CR1L: variants seen among roughly 807,000 people sequenced by gnomAD.
CR1L encodes complement component receptor 1-like protein.
In CR1L, 59 loss-of-function variants were observed where a neutral mutation model predicts 62.3. The ratio of observed to expected loss-of-function variants is 0.95; its 90% CI spans 0.77 to 1.18. CR1L has a LOEUF of 1.18. Ranked by LOEUF, CR1L falls within the 50% of genes most tolerant of loss-of-function variation. The probability of loss-of-function intolerance (pLI) is 0.00; values close to 1 mark genes in which losing one functional copy is unlikely to be tolerated. For synonymous variants in CR1L, 279 were observed against 248.7 expected, an observed-to-expected ratio of 1.12 and a Z score of -1.15; for missense variants, 700 against 702.8, an observed-to-expected ratio of 1.00 and a Z score of 0.04.
At chr1:207,648,206 GACAC>G (rs67535125) in intron 1 of CR1L, among the ~76,000 whole-genome samples, 4 of 108,760 alleles carry the variant, frequency 3.7e-5, no homozygotes, top group African/African-American at 6.7e-5. Context: ...CACACACACA[GACAC>G]ACACACACAC....
intron 9 of CR1L, among the ~76,000 whole-genome samples, chr1:207,704,380 A>T (rs771378226): frequency 4.5e-4 from 69 of 152,236 alleles, no homozygotes; most frequent in Admixed American, 6.5e-5. Flanking sequence ...CCTGGTGAAG[A>T]TGCCATGAGC....
chr1:207,655,181 C>T, intron 1 of CR1L: 1 of 593,836 alleles, frequency 1.7e-6, no homozygotes, highest in Non-Finnish European at 3.1e-6. Flanking sequence ...CCTTTCTTTT[C>T]CCATTTAGTT....
chr1:207,656,553 A>G (rs1417927953), intron 1 of CR1L, among the ~76,000 whole-genome samples: 2 of 152,140 alleles, frequency 1.3e-5, no homozygotes, highest in Admixed American at 6.5e-5. Flanking sequence ...TTGGCTCGTG[A>G]TTCTACAAGC....
chr1:207,715,562 A>T (rs1653973307), intron 10 of CR1L, among the ~76,000 whole-genome samples: 1 of 152,202 alleles, frequency 6.6e-6, no homozygotes, highest in Non-Finnish European at 1.5e-5. Context: ...CTTTTCTGAC[A>T]TTTGTTACTA....
chr1:207,698,351 A>G (rs1664140108), intron 7 of CR1L, among the ~76,000 whole-genome samples: 1 of 152,228 alleles, frequency 6.6e-6, no homozygotes, highest in Non-Finnish European at 1.5e-5. Flanking sequence ...TGTAAAAATC[A>G]GCATTTTAAA....
intron 1 of CR1L, among the ~76,000 whole-genome samples, chr1:207,668,090 A>G (rs1403999449): frequency 6.6e-6 from 1 of 151,126 alleles, no homozygotes; most frequent in Non-Finnish European, 1.5e-5. Context: ...TAATATGGCC[A>G]TTATGGGAAA....
intron 1 of CR1L, among the ~76,000 whole-genome samples, chr1:207,648,778 T>C (rs1663176074): frequency 6.6e-6 from 1 of 152,302 alleles, no homozygotes; most frequent in African/African-American, 2.4e-5. Context: ...CATACTACAA[T>C]GCAAAAAGAG....
chr1:207,683,943 C>T lies in CR1L; in HGVS notation c.449C>T (p.Thr150Ile), dbSNP rs1218198146. The T allele has an allele frequency of 6.2e-7, 1 of 1,612,846 alleles. No homozygotes were observed. Among genetic ancestry groups the T allele is most frequent in the Non-Finnish European group, 8.5e-7 (1 of 1,179,202 alleles). ...AACACTGTCATTTGGGATAATAAAA[C>T]ACCTGTTTGTGACAGTGAGTTGAAA... ...SGNTVIWDNKTPVCDRIICGL... is the reference protein window; with the variant it reads ...SGNTVIWDNKIPVCDRIICGL... The change falls in exon 4 of 12, where the codon ACA becomes ATA. Residue 150 changes from threonine (T) to isoleucine (I), a missense_variant. Transcript: ENST00000508064.
At chr1:207,678,415 G>T in intron 3 of CR1L, 118 bp downstream of exon 3, 1 of 852,162 alleles carries the variant, frequency 1.2e-6, no homozygotes, top group African/African-American at 1.7e-5. Context: ...CTCTTTAAAG[G>T]CTTCAACACA....
intron 11 of CR1L, among the ~76,000 whole-genome samples, chr1:207,718,635 C>T (rs945263335): frequency 2.0e-4 from 31 of 152,176 alleles, no homozygotes; most frequent in Admixed American, 1.0e-3. Context: ...GTTGGCCCGG[C>T]TGGTCTCTAA....
intron 4 of CR1L, among the ~76,000 whole-genome samples, chr1:207,690,212 T>C (rs1385305385): frequency 1.3e-5 from 2 of 152,154 alleles, no homozygotes; most frequent in Non-Finnish European, 2.9e-5. Context: ...CCTTTATTTT[T>C]CTAATATATA....
At chr1:207,647,281 G>T (rs559114648) in intron 1 of CR1L, among the ~76,000 whole-genome samples, 9 of 152,302 alleles carry the variant, frequency 5.9e-5, no homozygotes, top group African/African-American at 2.2e-4. Flanking sequence ...ACAAAACTCT[G>T]CCACTTTGGG....
chr1:207,688,773 T>C (rs1005539798), intron 4 of CR1L, among the ~76,000 whole-genome samples: 24 of 152,288 alleles, frequency 1.6e-4, no homozygotes, highest in African/African-American at 4.8e-4. Flanking sequence ...TTAATTTACC[T>C]TATAGAAGTC....
intron 10 of CR1L, among the ~76,000 whole-genome samples, chr1:207,714,883 G>A (rs1177107433): frequency 2.6e-5 from 4 of 152,052 alleles, no homozygotes; most frequent in Admixed American, 1.3e-4. Context: ...TCCTGGCTTT[G>A]CTTACCAAAT....
intron 5 of CR1L, among the ~76,000 whole-genome samples, chr1:207,696,880 T>C (rs1367349418): frequency 6.6e-6 from 1 of 152,228 alleles, no homozygotes; most frequent in South Asian, 2.1e-4. Flanking sequence ...TTAGATTTTG[T>C]TCGACAGTTG....
intron 5 of CR1L, among the ~76,000 whole-genome samples, chr1:207,695,916 C>A (rs1475564605): frequency 6.6e-6 from 1 of 152,190 alleles, no homozygotes; most frequent in Non-Finnish European, 1.5e-5. Flanking sequence ...CCCCATGATC[C>A]AGTCACTTCC....
intron 10 of CR1L, among the ~76,000 whole-genome samples, chr1:207,713,985 C>A (rs1653908250): frequency 6.6e-6 from 1 of 152,220 alleles, no homozygotes; most frequent in Admixed American, 6.5e-5. Context: ...CTTCCCTCCC[C>A]TAGGAGACGG....
intron 5 of CR1L, 25 bp downstream of exon 5, chr1:207,694,776 G>T (rs1664049182): frequency 6.2e-7 from 1 of 1,611,752 alleles, no homozygotes; most frequent in Non-Finnish European, 8.5e-7. Flanking sequence ...GGCCTAGAAG[G>T]GCCCTGCCAG....
Position 207,686,128 on chromosome 1 carries a change from C to CT in CR1L, c.463+2172dup, listed in dbSNP as rs1663903068. On this transcript the variant is annotated intron_variant, in intron 4 of 11. Transcript: ENST00000508064. ...CCTTCCTCCCTCCCTCCCTCCCTTC[C>CT]TCCCTCCCTTCCTTCCTTCCTTCCT... is the stretch of plus-strand genomic sequence containing the variant. Among the ~76,000 whole-genome samples, 23 of 52,358 alleles carry CT rather than the reference C, an allele frequency of 4.4e-4. 1 individual carries two copies. Among genetic ancestry groups the CT allele is most frequent in the Non-Finnish European group, 2.7e-4 (7 of 26,138 alleles). The allele number at this position is 52,358 out of a possible 152,430, so 34.3% of individuals were successfully genotyped here.
Sources: gnomAD v4.1 joint callset for allele counts (sites outside exome capture counted in the v4.1 genomes callset) on GRCh38, gnomAD v4.1.1 for gene constraint, MANE v1.5 for transcripts, NCBI Gene and HGNC (gene_info 2026-07-23, HGNC 2026-07-21) for gene names.